C2orf66: variants seen among roughly 807,000 people sequenced by gnomAD.
C2orf66 encodes chromosome 2 open reading frame 66.
A neutral mutation model predicts 7.0 loss-of-function variants in C2orf66; 6 were observed. That is an observed-to-expected ratio of 0.86 (90% CI 0.47 to 1.69). The LOEUF is 1.69. C2orf66 is among the 40% of genes most tolerant of loss of function. The pLI is 0.01. For synonymous variants in C2orf66, 38 were observed against 43.8 expected (o/e 0.87, Z 0.52); for missense variants, 107 against 112.0 (o/e 0.96, Z 0.20).
chr2:196,821,558 T>C, the C2orf66 span, among the ~76,000 whole-genome samples: 2 of 152,236 alleles, frequency 1.3e-5, no homozygotes, highest in African/African-American at 4.8e-5. Flanking sequence ...ATATCTATTA[T>C]GAACCTGGGA....
At chr2:196,831,809 T>C in the C2orf66 span, among the ~76,000 whole-genome samples, 3 of 152,182 alleles carry the variant, frequency 2.0e-5, no homozygotes, top group African/African-American at 7.2e-5. Context: ...CTGAGTTTCA[T>C]TATCCCCCTT....
chr2:196,817,864 A>G, the C2orf66 span, among the ~76,000 whole-genome samples: 1 of 152,192 alleles, frequency 6.6e-6, no homozygotes, highest in African/African-American at 2.4e-5. Context: ...GTTTTGCCCA[A>G]CCCACAGGCA....
At chr2:196,830,860 A>T in the C2orf66 span, among the ~76,000 whole-genome samples, 1 of 152,028 alleles carries the variant, frequency 6.6e-6, no homozygotes, top group African/African-American at 2.4e-5. Context: ...TGAGCATGAT[A>T]GGGGGTCCCA....
chr2:196,831,343 C>T, the C2orf66 span, among the ~76,000 whole-genome samples: 1 of 152,188 alleles, frequency 6.6e-6, no homozygotes, highest in Admixed American at 6.5e-5. Flanking sequence ...TACTCATAGT[C>T]CAATTTTCCT....
At chr2:196,811,137 CACT>C (rs1699870938), upstream of C2orf66, among the ~76,000 whole-genome samples, 1 of 152,122 alleles carries the variant, frequency 6.6e-6, no homozygotes, top group South Asian at 2.1e-4. Context: ...AGGAATGGGG[CACT>C]TTAAAGGTAC....
At chr2:196,816,789 G>T in the C2orf66 span, among the ~76,000 whole-genome samples, 66 of 152,270 alleles carry the variant, frequency 4.3e-4, no homozygotes, top group South Asian at 8.3e-4. Flanking sequence ...TATGTAATAG[G>T]GCTAGAGTGT....
chr2:196,816,069 G>C, the C2orf66 span, among the ~76,000 whole-genome samples: 1 of 152,180 alleles, frequency 6.6e-6, no homozygotes, highest in African/African-American at 2.4e-5. Context: ...ATTTCAGTTT[G>C]AAGGTGGAAT....
At chr2:196,818,912 T>C in the C2orf66 span, among the ~76,000 whole-genome samples, 393 of 152,258 alleles carry the variant, frequency 2.6e-3, 2 homozygotes, top group South Asian at 0.021. Flanking sequence ...ATGCATCACA[T>C]CTCCTTCTCA....
chr2:196,830,857 G>C, the C2orf66 span, among the ~76,000 whole-genome samples: 1 of 152,114 alleles, frequency 6.6e-6, no homozygotes, highest in African/African-American at 2.4e-5. Flanking sequence ...GGGTGAGCAT[G>C]ATAGGGGGTC....
At chr2:196,818,024 C>T in the C2orf66 span, among the ~76,000 whole-genome samples, 1 of 152,264 alleles carries the variant, frequency 6.6e-6, no homozygotes, top group African/African-American at 2.4e-5. Context: ...CCTGAGGTGA[C>T]GTACATCCTC....
At chr2:196,827,580 G>T in the C2orf66 span, among the ~76,000 whole-genome samples, 4 of 152,092 alleles carry the variant, frequency 2.6e-5, no homozygotes, top group Admixed American at 1.3e-4. Flanking sequence ...GAAGAGAAAG[G>T]CTGAATCATA....
At chr2:196,823,487 G>T in the C2orf66 span, among the ~76,000 whole-genome samples, 1 of 151,826 alleles carries the variant, frequency 6.6e-6, no homozygotes, top group African/African-American at 2.4e-5. Context: ...AGCCAGGTGT[G>T]GGGGTGCATG....
upstream of C2orf66, chr2:196,809,403 G>C (rs772431876): frequency 1.3e-6 from 2 of 1,597,374 alleles, no homozygotes; most frequent in Non-Finnish European, 8.6e-7. Context: ...GAGATAGTCA[G>C]GGAAGAGAGA....
At chr2:196,807,137 C>A (rs1699827788) in intron 2 of C2orf66, among the ~76,000 whole-genome samples, 1 of 152,004 alleles carries the variant, frequency 6.6e-6, no homozygotes, top group Admixed American at 6.5e-5. Flanking sequence ...AAGAGTGTGG[C>A]CATGTTATTA....
chr2:196,813,122 A>C (rs2125759748), upstream of C2orf66, among the ~76,000 whole-genome samples: 1 of 152,140 alleles, frequency 6.6e-6, no homozygotes, highest in South Asian at 2.1e-4. Context: ...CACATAGCCA[A>C]AAAGAAGAAA....
the C2orf66 span, among the ~76,000 whole-genome samples, chr2:196,822,000 C>A: frequency 1.4e-4 from 18 of 130,476 alleles, no homozygotes; most frequent in African/African-American, 5.2e-4. Context: ...ACTGCAACCT[C>A]CGCTCCTGGA....
At chr2:196,818,281 C>T in the C2orf66 span, among the ~76,000 whole-genome samples, 1 of 152,136 alleles carries the variant, frequency 6.6e-6, no homozygotes, top group South Asian at 2.1e-4. Flanking sequence ...TTCTGGAAGC[C>T]TGAACCCATA....
the C2orf66 span, among the ~76,000 whole-genome samples, chr2:196,819,917 A>G: frequency 6.6e-6 from 1 of 152,232 alleles, no homozygotes; most frequent in Non-Finnish European, 1.5e-5. Flanking sequence ...AATAGTCAAT[A>G]GACCAGTAAA....
upstream of C2orf66, among the ~76,000 whole-genome samples, chr2:196,813,138 G>C (rs111613527): frequency 9.0e-4 from 137 of 152,064 alleles, no homozygotes; most frequent in Non-Finnish European, 9.4e-4. Context: ...AGAAAAAAAA[G>C]AACAAAGCTG....
Sources: gnomAD v4.1 joint callset for allele counts (sites outside exome capture counted in the v4.1 genomes callset) on GRCh38, gnomAD v4.1.1 for gene constraint, MANE v1.5 for transcripts, NCBI Gene and HGNC (gene_info 2026-07-23, HGNC 2026-07-21) for gene names.